The following SCN8A variants were observed in gnomAD, a reference collection of about 807,000 sequenced individuals.
The protein encoded by SCN8A is sodium voltage-gated channel alpha subunit 8, also known as sodium channel protein type 8 subunit alpha.
A neutral mutation model predicts 184.1 loss-of-function variants in SCN8A; 30 were observed. That is an observed-to-expected ratio of 0.16 (90% CI 0.12 to 0.22). The LOEUF is 0.22. SCN8A is among the 10% of genes least tolerant of loss of function. SCN8A has a pLI of 1.00. For missense variants in SCN8A, 1,057 were observed against 2,498.9 expected (o/e 0.42, Z 12.30); for synonymous variants, 852 against 907.0 (o/e 0.94, Z 1.09).
At chr12:51,632,788 C>T (rs1300827966) in intron 1 of SCN8A, among the ~76,000 whole-genome samples, 1 of 152,200 alleles carries the variant, frequency 6.6e-6, no homozygotes, top group Admixed American at 6.5e-5. Context: ...GTCAACCCCT[C>T]TTCCCAGCGC....
At chr12:51,730,652 T>A (rs1367897332) in intron 12 of SCN8A, among the ~76,000 whole-genome samples, 1 of 152,156 alleles carries the variant, frequency 6.6e-6, no homozygotes, top group East Asian at 1.9e-4. Context: ...AATGATCACA[T>A]CATGAAAAAT....
intron 1 of SCN8A, among the ~76,000 whole-genome samples, chr12:51,648,044 AC>A (rs1207626727): frequency 5.8e-4 from 39 of 67,384 alleles, no homozygotes; most frequent in Non-Finnish European, 1.5e-3. Flanking sequence ...GCTGCTGCAA[AC>A]TGGCCTCTGG....
intron 12 of SCN8A, among the ~76,000 whole-genome samples, chr12:51,726,946 G>C (rs969303629): frequency 6.6e-6 from 1 of 152,176 alleles, no homozygotes. Context: ...AGGCTCTAAG[G>C]ATACTTATAA....
intron 20 of SCN8A, among the ~76,000 whole-genome samples, chr12:51,775,542 C>T (rs1033793583): frequency 1.3e-5 from 2 of 152,156 alleles, no homozygotes; most frequent in South Asian, 2.1e-4. Context: ...AGGGTACCAA[C>T]GTGAGACCCT....
intron 9 of SCN8A, 148 bp downstream of exon 9, chr12:51,703,062 T>G: frequency 1.3e-6 from 1 of 775,320 alleles, no homozygotes. Context: ...TGATATTAAG[T>G]GAATTCTCTC....
At chr12:51,639,879 CTTTTTTTTTTTTTTTTTTTTTT>C (rs71092712) in intron 1 of SCN8A, among the ~76,000 whole-genome samples, 7 of 15,078 alleles carry the variant, frequency 4.6e-4, no homozygotes, top group East Asian at 3.2e-3. Context: ...AAGGTATATG[CTTTTTTTTTTTTTTTTTTTTTT>C]TTTTTTTTTT....
At chr12:51,772,176 A>G (rs933877983) in intron 19 of SCN8A, among the ~76,000 whole-genome samples, 11 of 152,150 alleles carry the variant, frequency 7.2e-5, no homozygotes, top group Non-Finnish European at 1.5e-4. Flanking sequence ...CGTGCGGATC[A>G]CCTGAGGTTG....
In SCN8A at chr12:51,721,759, T is replaced by C. The variant is rs773608650; in HGVS notation, c.1849T>C (p.Tyr617His). The part of the protein sequence containing the change: ...ARERRSSYSG[Y>H]SGYSQGSRSS... ...CGAGCGCCGGAGCAGCTACAGCGGC[T>C]ACAGCGGCTACAGCCAGGGCAGCCG... Residue 617 changes from tyrosine (Y) to histidine (H), a missense_variant, in exon 12 of 27, where the codon TAC becomes CAC. Coordinates refer to ENST00000627620, the MANE Select transcript of SCN8A (RefSeq NM_001330260.2). 2.5e-6 allele frequency: 4 copies of C among 1,609,204 alleles called. No homozygotes were observed. The South Asian group carries it at 4.4e-5, about 18-fold the overall frequency.
intron 1 of SCN8A, among the ~76,000 whole-genome samples, chr12:51,661,312 C>T (rs1188700921): frequency 1.7e-4 from 26 of 152,198 alleles, no homozygotes; most frequent in Non-Finnish European, 4.4e-5. Context: ...GGTTTTTGCG[C>T]AGCGTGAAGC....
intron 1 of SCN8A, among the ~76,000 whole-genome samples, chr12:51,637,309 G>A (rs192982601): frequency 6.6e-6 from 1 of 152,208 alleles, no homozygotes; most frequent in East Asian, 1.9e-4. Flanking sequence ...TCAAGTAAAA[G>A]GAAGAGTTGC....
chr12:51,715,375 C>T (rs895626276), intron 11 of SCN8A, among the ~76,000 whole-genome samples: 1 of 152,012 alleles, frequency 6.6e-6, no homozygotes, highest in Non-Finnish European at 1.5e-5. Context: ...ATGATATTTC[C>T]TCCTGGCCTC....
At chr12:51,665,716 A>G (rs921063261) in intron 2 of SCN8A, among the ~76,000 whole-genome samples, 1 of 152,198 alleles carries the variant, frequency 6.6e-6, no homozygotes, top group Non-Finnish European at 1.5e-5. Flanking sequence ...ACATAGATTA[A>G]CAGGAGAAAA....
intron 2 of SCN8A, among the ~76,000 whole-genome samples, chr12:51,668,953 TA>T (rs1216478816): frequency 6.6e-6 from 1 of 152,194 alleles, no homozygotes; most frequent in Non-Finnish European, 1.5e-5. Context: ...TACACAAATC[TA>T]GACGATGTAG....
Position 51,807,570 on chromosome 12 carries a change from C to T in SCN8A, c.*141C>T, listed in dbSNP as rs929312834. On this transcript the variant is annotated 3_prime_UTR_variant, in exon 27 of 27. Coordinates refer to ENST00000627620, the MANE Select transcript of SCN8A (RefSeq NM_001330260.2). This position sits in a 1 kb window ranked among gnomAD's most constrained non-coding sequence, Gnocchi z 4.5. ...TATACCAAACGTCGTCTGCTTACCACGTAACACAGCTGCATCTTGAGCAGT... is the reference window on the plus strand; with the variant it reads ...TATACCAAACGTCGTCTGCTTACCATGTAACACAGCTGCATCTTGAGCAGT... The T allele has an allele frequency of 1.7e-5, 15 of 881,014 alleles. No homozygotes were observed. The highest frequency in any genetic ancestry group is 1.2e-4 in the African/African-American group (7 of 59,618). 54.6% of individuals were successfully genotyped at this position (881,014 alleles called of 1,614,324 possible).
chr12:51,614,483 G>T (rs537011828), intron 1 of SCN8A, among the ~76,000 whole-genome samples: 1 of 152,144 alleles, frequency 6.6e-6, no homozygotes, highest in Admixed American at 6.5e-5. Flanking sequence ...AATAATTTCA[G>T]ATTTATAGAA....
At chr12:51,689,861 GAGTT>G (rs1220539919) in intron 6 of SCN8A, 23 of 152,176 alleles carry the variant, frequency 1.5e-4, no homozygotes, top group African/African-American at 5.3e-4. Flanking sequence ...GGTGAGTTGA[GAGTT>G]AGTTGATTGA....
At chr12:51,802,954 T>A (rs1938596675) in intron 26 of SCN8A, among the ~76,000 whole-genome samples, 1 of 152,204 alleles carries the variant, frequency 6.6e-6, no homozygotes, top group South Asian at 2.1e-4. Context: ...AAATCTATTC[T>A]TAAAATTCTG....
chr12:51,777,444 T>C (rs1055790475), intron 20 of SCN8A, among the ~76,000 whole-genome samples: 2 of 152,092 alleles, frequency 1.3e-5, no homozygotes, highest in African/African-American at 4.8e-5. Flanking sequence ...GAATTTGATG[T>C]CTCCTCAATT....
intron 1 of SCN8A, among the ~76,000 whole-genome samples, chr12:51,609,704 A>C (rs1939674714): frequency 1.3e-5 from 2 of 152,176 alleles, no homozygotes; most frequent in South Asian, 4.1e-4. Context: ...AGCCTGGCCA[A>C]CATGGCAAAA....
Sources: allele counts gnomAD v4.1 joint callset (sites outside exome capture counted in the v4.1 genomes callset), GRCh38; gene constraint gnomAD v4.1.1; non-coding constraint Gnocchi (gnomAD v3.1); transcripts MANE v1.5; gene names NCBI Gene and HGNC (gene_info 2026-07-23, HGNC 2026-07-21).